The following SLC12A1 variants were observed in gnomAD, a reference collection of about 807,000 sequenced individuals.
SLC12A1 encodes the protein Na-K-2Cl cotransporter.
SLC12A1 carries 89 observed loss-of-function variants against 130.4 expected under a neutral mutation model. The ratio of observed to expected loss-of-function variants is 0.68; its 90% CI spans 0.58 to 0.81. The LOEUF is 0.81. Ranked by LOEUF, SLC12A1 falls within the 40% of genes least tolerant of loss-of-function variation. The probability of loss-of-function intolerance (pLI) is 0.00; values close to 1 mark genes in which losing one functional copy is unlikely to be tolerated. For synonymous variants in SLC12A1, 499 were observed against 460.0 expected (o/e 1.08, Z -1.09); for missense variants, 1,310 against 1,336.4 (o/e 0.98, Z 0.31).
At chr15:48,221,273 T>G (rs541581024) in intron 4 of SLC12A1, 10 of 699,200 alleles carry the variant, frequency 1.4e-5, no homozygotes, top group Non-Finnish European at 2.6e-5. Context: ...TATAATAGCA[T>G]GTTAATTTTA....
chr15:48,221,379 A>G (rs1162537759), intron 4 of SLC12A1: 4 of 701,692 alleles, frequency 5.7e-6, no homozygotes, highest in South Asian at 3.0e-5. Flanking sequence ...TCACTGAACA[A>G]AAATAACTTG....
intron 23 of SLC12A1, 67 bp downstream of exon 23, chr15:48,288,583 A>G (rs564121489): frequency 3.7e-5 from 29 of 780,424 alleles, no homozygotes; most frequent in Non-Finnish European, 6.1e-5. Context: ...TTTAATTTTA[A>G]TAACTTTAAG....
chr15:48,267,515 AT>A, intron 17 of SLC12A1, 45 bp from the exon 18 acceptor site: 2 of 1,606,312 alleles, frequency 1.2e-6, no homozygotes, highest in Non-Finnish European at 1.7e-6. Flanking sequence ...CAGCAATGTG[AT>A]ATATAATAGC....
intron 9 of SLC12A1, chr15:48,237,179 G>C (rs2041449314): frequency 6.5e-6 from 4 of 613,486 alleles, no homozygotes; most frequent in Non-Finnish European, 1.2e-5. Context: ...TCCAGGTTTT[G>C]AGGGATGAAC....
intron 20 of SLC12A1, among the ~76,000 whole-genome samples, chr15:48,281,951 GCAAA>G (rs2042012545): frequency 6.6e-6 from 1 of 152,090 alleles, no homozygotes; most frequent in Non-Finnish European, 1.5e-5. Context: ...TTCCCTGCAT[GCAAA>G]CAGAGGCAAG....
chr15:48,241,658 G>T, intron 10 of SLC12A1, 59 bp downstream of exon 10: 1 of 1,181,524 alleles, frequency 8.5e-7, no homozygotes, highest in South Asian at 1.2e-5. Flanking sequence ...AGTTGTTCAC[G>T]TCTAGTGAGC....
In SLC12A1 at chr15:48,303,443, G is replaced by C. The variant is rs2042256687; in HGVS notation, c.*558G>C. On this transcript the variant is annotated 3_prime_UTR_variant, in exon 27 of 27. Coordinates refer to ENST00000380993, the MANE Select transcript of SLC12A1 (RefSeq NM_000338.3). ...CAGTAACTCAAAACTTTAAGAAGTA[G>C]TTGAGTCTACAAAATATTCAAAGCA... The C allele has an allele frequency of 6.6e-6, 1 of 152,156 alleles. No homozygotes were observed. Among genetic ancestry groups the C allele is most frequent in the Non-Finnish European group, 1.5e-5 (1 of 68,036 alleles). 9.4% of individuals were successfully genotyped at this position (152,156 alleles called of 1,614,324 possible).
At chr15:48,290,013 T>A (rs563463082) in intron 23 of SLC12A1, among the ~76,000 whole-genome samples, 4 of 152,228 alleles carry the variant, frequency 2.6e-5, no homozygotes, top group Non-Finnish European at 5.9e-5. Flanking sequence ...TACTTCATAA[T>A]TTCTAAGCTT....
intron 11 of SLC12A1, 79 bp from the exon 12 acceptor site, chr15:48,246,830 A>T: frequency 1.1e-6 from 1 of 910,204 alleles, no homozygotes. Flanking sequence ...AGGGGGAAAA[A>T]ATGTAGTTGA....
intron 11 of SLC12A1, among the ~76,000 whole-genome samples, chr15:48,245,605 CT>C (rs1323572792): frequency 6.6e-6 from 1 of 152,178 alleles, no homozygotes; most frequent in Non-Finnish European, 1.5e-5. Context: ...CGATTTTATT[CT>C]TTTTGTGGCT....
At chr15:48,228,892 T>C in intron 5 of SLC12A1, 1 of 235,008 alleles carries the variant, frequency 4.3e-6, no homozygotes, top group Admixed American at 5.3e-5. Context: ...ATGATATTTT[T>C]ATAAAGACAA....
chr15:48,222,598 G>A lies in SLC12A1; in HGVS notation c.628+1602G>A, dbSNP rs371424813. 1.4e-4 allele frequency: 21 copies of A among 151,726 alleles called. No individual in the cohort carries two copies. The South Asian group carries it at 1.7e-3, about 12-fold the overall frequency. 9.4% of individuals were successfully genotyped at this position (151,726 alleles called of 1,614,324 possible). ...AATGGAGGTTTGTGTTTTTCTTTTC[G>A]TTTCTTTTCTTTTTTTAATTCTCGG... is the stretch of plus-strand genomic sequence containing the variant. On this transcript the variant is annotated intron_variant, in intron 4 of 26. Transcript: ENST00000380993.
intron 26 of SLC12A1, 62 bp from the exon 27 acceptor site, chr15:48,302,688 G>A: frequency 1.0e-6 from 1 of 990,006 alleles, no homozygotes; most frequent in Non-Finnish European, 1.5e-6. Flanking sequence ...AGAAATACTA[G>A]TGCCGTTACT....
intron 19 of SLC12A1, among the ~76,000 whole-genome samples, chr15:48,274,018 A>G (rs2041925294): frequency 6.6e-6 from 1 of 152,224 alleles, no homozygotes; most frequent in Non-Finnish European, 1.5e-5. Context: ...GGTTGAATAC[A>G]GAGAAAACAC....
chr15:48,285,215 C>A lies in SLC12A1; in HGVS notation c.2595C>A (p.Gly865=). The change falls in exon 21 of 27, where the codon GGC becomes GGA. Residue 865 remains glycine, a synonymous_variant. Coordinates refer to ENST00000380993, the MANE Select transcript of SLC12A1 (RefSeq NM_000338.3). ...GGIRGLFKKA[G]KLNITKTTPK... ...TCCGAGGCTTGTTTAAAAAAGCTGG[C>A]AAGTTGAACATTACTAAGACAACGC... 6.2e-7 allele frequency: 1 copy of A among 1,613,762 alleles called. No individual in the cohort carries two copies. The highest frequency in any genetic ancestry group is 1.1e-5 in the South Asian group (1 of 91,074).
chr15:48,295,324 CA>C (rs1338645209), intron 24 of SLC12A1, among the ~76,000 whole-genome samples: 1 of 152,084 alleles, frequency 6.6e-6, no homozygotes, highest in Non-Finnish European at 1.5e-5. Flanking sequence ...CTTTACTTGT[CA>C]ATCTGGTTTT....
At position 48,285,142 on chromosome 15, in the gene SLC12A1, T is replaced by G; in HGVS notation, c.2522T>G (p.Leu841Trp). 6.2e-7 allele frequency: 1 copy of G among 1,613,420 alleles called. No homozygotes were observed. The highest frequency in any genetic ancestry group is 8.5e-7 in the Non-Finnish European group (1 of 1,179,606). Residue 841 changes from leucine (L) to tryptophan (W), a missense_variant, in exon 21 of 27, where the codon TTG becomes TGG. By Grantham distance (61) the Leu-to-Trp change is moderately conservative. Coordinates refer to ENST00000380993, the MANE Select transcript of SLC12A1 (RefSeq NM_000338.3). ...LERLEQERLALEATIKDNECE... is the reference protein window; with the variant it reads ...LERLEQERLAWEATIKDNECE... ...AGATTAGAACAGGAGAGACTAGCAT[T>G]GGAAGCGACTATCAAAGATAATGAG...
chr15:48,234,639 G>C (rs539755405), intron 8 of SLC12A1, among the ~76,000 whole-genome samples: 1 of 152,056 alleles, frequency 6.6e-6, no homozygotes. Context: ...AGCTACTTGC[G>C]GGGGCCGAGG....
intron 9 of SLC12A1, chr15:48,237,415 AAGACG>A (rs2041452414): frequency 6.5e-6 from 1 of 153,184 alleles, no homozygotes; most frequent in Non-Finnish European, 1.5e-5. Flanking sequence ...TCTGTCTGAA[AAGACG>A]AGACTTAAAA....
Sources: gnomAD v4.1 joint callset for allele counts (sites outside exome capture counted in the v4.1 genomes callset) on GRCh38, gnomAD v4.1.1 for gene constraint, MANE v1.5 for transcripts, NCBI Gene and HGNC (gene_info 2026-07-23, HGNC 2026-07-21) for gene names.